ABHD2: variants seen among roughly 807,000 people sequenced by gnomAD.
ABHD2 encodes monoacylglycerol lipase ABHD2.
ABHD2 carries 20 observed loss-of-function variants against 48.1 expected under a neutral mutation model. That is an observed-to-expected ratio of 0.42 (90% CI 0.29 to 0.60). The LOEUF is 0.60. Among genes scored for constraint, ABHD2 ranks in the 20% least tolerant of loss-of-function variants. ABHD2 has a pLI of 0.24. For missense variants in ABHD2, 405 were observed against 550.9 expected (o/e 0.74, Z 2.65); for synonymous variants, 209 against 214.2 (o/e 0.98, Z 0.21).
In ABHD2 at chr15:89,100,570, T is replaced by A. The variant is rs2049685677; in HGVS notation, c.-107+12007T>A. Among the ~76,000 whole-genome samples, 1 of 152,112 alleles carries A rather than the reference T, an allele frequency of 6.6e-6. No individual in the cohort carries two copies. The highest frequency in any genetic ancestry group is 1.5e-5 in the Non-Finnish European group (1 of 68,024). ...AATATTTTTCCATTCTCCTTAGATGTTAAAAAGGAACCTTATTGGCCAGGC... is the reference window on the plus strand; with the variant it reads ...AATATTTTTCCATTCTCCTTAGATGATAAAAAGGAACCTTATTGGCCAGGC... On this transcript the variant is annotated intron_variant, in intron 1 of 10. Transcript: ENST00000352732. This position sits in a 1 kb window ranked among gnomAD's most constrained non-coding sequence, Gnocchi z 4.4.
chr15:89,128,444 G>C (rs1426891292), intron 3 of ABHD2, among the ~76,000 whole-genome samples: 1 of 152,192 alleles, frequency 6.6e-6, no homozygotes, highest in East Asian at 1.9e-4. Flanking sequence ...AGGTGGTAGA[G>C]GCCTTGCTGC....
chr15:89,060,754 G>T, the ABHD2 span, among the ~76,000 whole-genome samples: 2 of 152,094 alleles, frequency 1.3e-5, no homozygotes, highest in Non-Finnish European at 1.5e-5. Context: ...AAAGACAAAG[G>T]GGGGAAGTGT....
Position 89,174,486 on chromosome 15 carries a change from G to C in ABHD2, c.539-1326G>C, listed in dbSNP as rs971470936. ...TGCAGCTTAAGAACTGCATGGGGCTGTGCCGGCCTGGCTTAGGCTACATCC... is the reference window on the plus strand; with the variant it reads ...TGCAGCTTAAGAACTGCATGGGGCTCTGCCGGCCTGGCTTAGGCTACATCC... On this transcript the variant is annotated intron_variant, in intron 5 of 10. Coordinates refer to ENST00000352732, the MANE Select transcript of ABHD2 (RefSeq NM_152924.5). The surrounding 1 kb of genome is among the most constrained non-coding windows in gnomAD (Gnocchi z 4.1). 5.9e-5 allele frequency among the ~76,000 whole-genome samples: 9 copies of C among 152,186 alleles called. No individual in the cohort carries two copies. Among genetic ancestry groups the C allele is most frequent in the African/African-American group, 2.2e-4 (9 of 41,436 alleles).
chr15:89,042,813 A>AT, the ABHD2 span, among the ~76,000 whole-genome samples: 792 of 147,392 alleles, frequency 5.4e-3, 12 homozygotes, highest in African/African-American at 0.019. Flanking sequence ...AGCCTGGCTA[A>AT]TTTTTTTTTT....
chr15:89,191,092 C>T lies in ABHD2; in HGVS notation c.939C>T (p.Gly313=). The change falls in exon 9 of 11, where the codon GGC becomes GGT. Residue 313 remains glycine (G), a synonymous_variant. Transcript: ENST00000352732. ...IDDNVMRKFH[G]YNSLKEYYEE... The stretch of plus-strand genomic sequence containing the variant: ...TGGTGTGTTGCAGGAAGTTTCACGG[C>T]TATAACTCCCTGAAGGAATACTATG... 3 of 1,613,860 alleles carry T rather than the reference C, an allele frequency of 1.9e-6. No individual in the cohort carries two copies. Among genetic ancestry groups the T allele is most frequent in the Non-Finnish European group, 2.5e-6 (3 of 1,179,998 alleles).
chr15:89,072,486 A>G, the ABHD2 span, among the ~76,000 whole-genome samples: 4 of 139,748 alleles, frequency 2.9e-5, no homozygotes, highest in Non-Finnish European at 6.2e-5. Context: ...AAAAGAGGAA[A>G]GGAGGGGAAG....
rs1392524351 is a variant in ABHD2 at position 89,137,105 on chromosome 15, A to G, written c.195-14572A>G. Among the ~76,000 whole-genome samples, 2 of 152,186 alleles carry G rather than the reference A, an allele frequency of 1.3e-5. No homozygotes were observed. Among genetic ancestry groups the G allele is most frequent in the Non-Finnish European group, 2.9e-5 (2 of 68,026 alleles). Reference sequence around the variant, plus strand: ...TCTTTGACTGGCTGTTTGCAGGACCAGTTCTCTAACGGATCCAGGGTTCCA... The same window carrying G: ...TCTTTGACTGGCTGTTTGCAGGACCGGTTCTCTAACGGATCCAGGGTTCCA... On this transcript the variant is annotated intron_variant, in intron 3 of 10. Coordinates refer to ENST00000352732, the MANE Select transcript of ABHD2 (RefSeq NM_152924.5). This position sits in a 1 kb window ranked among gnomAD's most constrained non-coding sequence, Gnocchi z 4.8.
chr15:89,144,467 AC>A (rs1419961463), intron 3 of ABHD2, among the ~76,000 whole-genome samples: 1 of 152,236 alleles, frequency 6.6e-6, no homozygotes, highest in African/African-American at 2.4e-5. Flanking sequence ...GAAAAAATAA[AC>A]AAAATGTGGT....
Position 89,092,080 on chromosome 15 carries a change from A to AT in ABHD2, c.-107+3522dup, listed in dbSNP as rs1311028975. Reference sequence around the variant, plus strand: ...TCAGGATTTTCATATCTGCAGATTGATTTTTGTTGTCTTGTCCAGGGCATC... The same window carrying AT: ...TCAGGATTTTCATATCTGCAGATTGATTTTTTGTTGTCTTGTCCAGGGCATC... On this transcript the variant is annotated intron_variant, in intron 1 of 10. Transcript: ENST00000352732. The surrounding 1 kb of genome is among the most constrained non-coding windows in gnomAD (Gnocchi z 4.4). Among the ~76,000 whole-genome samples the AT allele has an allele frequency of 6.6e-6, 1 of 152,108 alleles. No individual in the cohort carries two copies. Among genetic ancestry groups the AT allele is most frequent in the East Asian group, 1.9e-4 (1 of 5,194 alleles).
rs2050584836 is a variant in ABHD2 at position 89,151,179 on chromosome 15, G to C, written c.195-498G>C. Among the ~76,000 whole-genome samples the C allele has an allele frequency of 6.6e-6, 1 of 152,192 alleles. No individual in the cohort carries two copies. The highest frequency in any genetic ancestry group is 6.5e-5 in the Admixed American group (1 of 15,278). On this transcript the variant is annotated intron_variant, in intron 3 of 10. Coordinates refer to ENST00000352732, the MANE Select transcript of ABHD2 (RefSeq NM_152924.5). The surrounding 1 kb of genome is among the most constrained non-coding windows in gnomAD (Gnocchi z 4.7). ...TTACAGGCTCTTAGAAGAATTTGCA[G>C]CCCTTCCCAGCACTAACTGAGAGTA...
chr15:89,074,270 G>A, the ABHD2 span, among the ~76,000 whole-genome samples: 8 of 152,030 alleles, frequency 5.3e-5, no homozygotes, highest in Non-Finnish European at 8.8e-5. Flanking sequence ...CAGCTACTCC[G>A]GAGGCTGAGG....
At chr15:89,084,209 TAAAAAAAAA>T (rs3049684), upstream of ABHD2, among the ~76,000 whole-genome samples, 364 of 138,798 alleles carry the variant, frequency 2.6e-3, 1 homozygote, top group South Asian at 7.5e-3. The surrounding 1 kb of genome is among the most constrained non-coding windows in gnomAD (Gnocchi z 4.4). Context: ...TTTGCTAGTG[TAAAAAAAAA>T]AAAAAAAAAA....
intron 3 of ABHD2, among the ~76,000 whole-genome samples, chr15:89,134,477 G>A (rs941055298): frequency 2.0e-5 from 3 of 152,148 alleles, no homozygotes; most frequent in African/African-American, 7.2e-5. Context: ...CCAGTCTTTT[G>A]TGTTCTGTTG....
At chr15:89,133,505 G>A (rs1453127413) in intron 3 of ABHD2, among the ~76,000 whole-genome samples, 1 of 152,172 alleles carries the variant, frequency 6.6e-6, no homozygotes, top group Non-Finnish European at 1.5e-5. Context: ...TCCCCAAAAC[G>A]TTGCCAACAT....
Position 89,167,527 on chromosome 15 carries a change from G to C in ABHD2, c.539-8285G>C, listed in dbSNP as rs2050856040. ...GCAGAACAGTGGCCAAGAGTGGTGA[G>C]TTCTGCACTTTCAGGATGATATCTG... is the stretch of plus-strand genomic sequence containing the variant. On this transcript the variant is annotated intron_variant, in intron 5 of 10. Coordinates refer to ENST00000352732, the MANE Select transcript of ABHD2 (RefSeq NM_152924.5). The surrounding 1 kb of genome is among the most constrained non-coding windows in gnomAD (Gnocchi z 5.5). Among the ~76,000 whole-genome samples the C allele has an allele frequency of 6.6e-6, 1 of 152,192 alleles. No individual in the cohort carries two copies. The highest frequency in any genetic ancestry group is 2.1e-4 in the South Asian group (1 of 4,830).
chr15:89,072,591 A>AGAGGG, the ABHD2 span, among the ~76,000 whole-genome samples: 1 of 115,396 alleles, frequency 8.7e-6, no homozygotes, highest in Non-Finnish European at 1.8e-5. Context: ...GAAGAAAAGG[A>AGAGGG]GAGGGGAGGG....
intron 5 of ABHD2, among the ~76,000 whole-genome samples, chr15:89,165,478 C>T (rs774989897): frequency 1.3e-5 from 2 of 151,928 alleles, no homozygotes; most frequent in African/African-American, 4.8e-5. Context: ...TTGTGCCAAG[C>T]GAGGTGGCAT....
chr15:89,052,528 C>T, the ABHD2 span, among the ~76,000 whole-genome samples: 1 of 44,442 alleles, frequency 2.3e-5, no homozygotes, highest in African/African-American at 4.5e-5. Flanking sequence ...CAGAGACAGA[C>T]AGACAGACAG....
chr15:89,056,984 G>C, the ABHD2 span, among the ~76,000 whole-genome samples: 1 of 146,916 alleles, frequency 6.8e-6, no homozygotes. Context: ...CGCCATCTCG[G>C]CTCACTGCAA....
Sources: gnomAD v4.1 joint callset for allele counts (sites outside exome capture counted in the v4.1 genomes callset) on GRCh38, gnomAD v4.1.1 for gene constraint, Gnocchi (gnomAD v3.1) non-coding constraint, MANE v1.5 for transcripts, NCBI Gene and HGNC (gene_info 2026-07-23, HGNC 2026-07-21) for gene names.